Variants in GATB observed in about 807,000 individuals in gnomAD.
GATB encodes the protein glutamyl-tRNA amidotransferase subunit B.
GATB carries 39 observed loss-of-function variants against 62.3 expected under a neutral mutation model. The ratio of observed to expected loss-of-function variants is 0.63; its 90% CI spans 0.48 to 0.82. The LOEUF (loss-of-function observed/expected upper bound fraction) is 0.82, where lower values mean the gene tolerates loss of function less well. GATB is among the 40% of genes least tolerant of loss of function. The pLI, the probability that GATB is intolerant of heterozygous loss-of-function variation, is 0.00. For synonymous variants in GATB, 276 were observed against 258.9 expected, an observed-to-expected ratio of 1.07 and a Z score of -0.63; for missense variants, 670 against 684.0, an observed-to-expected ratio of 0.98 and a Z score of 0.23.
At chr4:151,702,855 C>A (rs1013834867) in intron 8 of GATB, among the ~76,000 whole-genome samples, 1 of 152,132 alleles carries the variant, frequency 6.6e-6, no homozygotes, top group African/African-American at 2.4e-5. Flanking sequence ...GGATTCGAAG[C>A]ACACGCTACC....
chr4:151,721,234 T>C (rs1308880061), intron 2 of GATB: 2 of 151,748 alleles, frequency 1.3e-5, no homozygotes, highest in African/African-American at 4.9e-5. Flanking sequence ...CGAGACTCCA[T>C]CTCAAAAAAA....
chr4:151,692,430 C>T (rs1193647218), intron 9 of GATB, among the ~76,000 whole-genome samples: 1 of 152,226 alleles, frequency 6.6e-6, no homozygotes, highest in Non-Finnish European at 1.5e-5. Context: ...GAGCTGCCAG[C>T]TGTTCAAAGG....
At chr4:151,732,901 G>C (rs938347936) in intron 2 of GATB, among the ~76,000 whole-genome samples, 1 of 151,614 alleles carries the variant, frequency 6.6e-6, no homozygotes, top group Non-Finnish European at 1.5e-5. Flanking sequence ...AGGAAACTTT[G>C]GACACACTTT....
At chr4:151,755,576 C>T (rs1253639638) in intron 2 of GATB, among the ~76,000 whole-genome samples, 1 of 152,108 alleles carries the variant, frequency 6.6e-6, no homozygotes, top group African/African-American at 2.4e-5. Context: ...TTTTTTCTTG[C>T]TTTTATGCCT....
intron 1 of GATB, 74 bp downstream of exon 1, chr4:151,760,733 T>G: frequency 7.3e-7 from 1 of 1,376,474 alleles, no homozygotes; most frequent in Non-Finnish European, 9.7e-7. Context: ...AGCTGGGCCG[T>G]AATTGCCATT....
intron 10 of GATB, among the ~76,000 whole-genome samples, chr4:151,684,724 T>C (rs1560842648): frequency 6.6e-6 from 1 of 152,242 alleles, no homozygotes; most frequent in African/African-American, 2.4e-5. Flanking sequence ...ATTTAAACTG[T>C]AAAACACAAC....
At chr4:151,676,150 A>AGC (rs1290671922) in intron 11 of GATB, 1 of 152,222 alleles carries the variant, frequency 6.6e-6, no homozygotes, top group African/African-American at 2.4e-5. Flanking sequence ...CCCCTAATAA[A>AGC]GCGGGGCCCA....
chr4:151,742,175 G>A (rs961952608), intron 2 of GATB, among the ~76,000 whole-genome samples: 4 of 148,838 alleles, frequency 2.7e-5, no homozygotes, highest in African/African-American at 1.0e-4. Context: ...TGCAAGCTCT[G>A]CATCCCCGGT....
intron 2 of GATB, among the ~76,000 whole-genome samples, chr4:151,751,861 C>T (rs897380850): frequency 1.3e-5 from 2 of 152,122 alleles, no homozygotes; most frequent in Non-Finnish European, 2.9e-5. Context: ...AATCAGATAC[C>T]TGTTAATTCC....
chr4:151,752,816 T>C (rs1197496415), intron 2 of GATB, among the ~76,000 whole-genome samples: 2 of 152,240 alleles, frequency 1.3e-5, no homozygotes, highest in African/African-American at 2.4e-5. Context: ...CCTGGTGATT[T>C]TTGGCTCTCA....
At chr4:151,682,016 C>T (rs996696059) in intron 10 of GATB, among the ~76,000 whole-genome samples, 6 of 152,048 alleles carry the variant, frequency 3.9e-5, no homozygotes, top group African/African-American at 9.7e-5. Context: ...TTCAGATCGC[C>T]GCAATGACAT....
intron 9 of GATB, among the ~76,000 whole-genome samples, chr4:151,692,173 C>T (rs1206302589): frequency 6.6e-6 from 1 of 152,238 alleles, no homozygotes; most frequent in Non-Finnish European, 1.5e-5. Flanking sequence ...GCTCTCAGGA[C>T]TTTTACAGAT....
intron 2 of GATB, among the ~76,000 whole-genome samples, chr4:151,738,739 T>C (rs1437114789): frequency 6.6e-6 from 1 of 152,188 alleles, no homozygotes; most frequent in Non-Finnish European, 1.5e-5. Context: ...AGGTTATGAG[T>C]GACTACAGGC....
At chr4:151,739,264 T>G (rs1210927844) in intron 2 of GATB, among the ~76,000 whole-genome samples, 1 of 152,162 alleles carries the variant, frequency 6.6e-6, no homozygotes, top group Admixed American at 6.5e-5. Flanking sequence ...ATGTACCCAG[T>G]GGTGAAAGGC....
intron 5 of GATB, among the ~76,000 whole-genome samples, chr4:151,713,358 G>A (rs149162647): frequency 6.6e-5 from 10 of 152,256 alleles, no homozygotes; most frequent in African/African-American, 9.6e-5. Context: ...TGTCTTCCAC[G>A]AAACCGGTCC....
intron 2 of GATB, among the ~76,000 whole-genome samples, chr4:151,736,815 G>A (rs1014483349): frequency 5.9e-5 from 9 of 152,174 alleles, no homozygotes; most frequent in African/African-American, 1.7e-4. Flanking sequence ...TAAGTCTCAC[G>A]AGATCTGATG....
chr4:151,749,879 T>A (rs1739678400), intron 2 of GATB, among the ~76,000 whole-genome samples: 1 of 151,976 alleles, frequency 6.6e-6, no homozygotes, highest in Non-Finnish European at 1.5e-5. Flanking sequence ...AAACCTCAGT[T>A]TTTTGTGTTT....
At chr4:151,744,782 G>C (rs1455569921) in intron 2 of GATB, among the ~76,000 whole-genome samples, 1 of 152,142 alleles carries the variant, frequency 6.6e-6, no homozygotes, top group Non-Finnish European at 1.5e-5. Context: ...CAGGGAGGGA[G>C]GTGAGATCAT....
intron 7 of GATB, among the ~76,000 whole-genome samples, chr4:151,704,299 A>G (rs1234929780): frequency 6.6e-6 from 1 of 152,202 alleles, no homozygotes; most frequent in East Asian, 1.9e-4. Flanking sequence ...GAAAGATCTG[A>G]TAGATTAAGG....
Sources: allele counts gnomAD v4.1 joint callset (sites outside exome capture counted in the v4.1 genomes callset), GRCh38; gene constraint gnomAD v4.1.1; transcripts MANE v1.5; gene names NCBI Gene and HGNC (gene_info 2026-07-23, HGNC 2026-07-21).